Variants in GRIK4 observed in about 807,000 individuals in gnomAD.
GRIK4 encodes the protein glutamate receptor ionotropic, kainate 4.
A neutral mutation model predicts 104.9 loss-of-function variants in GRIK4; 40 were observed. The ratio of observed to expected loss-of-function variants is 0.38; its 90% CI spans 0.30 to 0.50. The LOEUF is 0.50. Among genes scored for constraint, GRIK4 ranks in the 20% least tolerant of loss-of-function variants. The pLI, the probability that GRIK4 is intolerant of heterozygous loss-of-function variation, is 0.93. For synonymous variants in GRIK4, 485 were observed against 524.9 expected, an observed-to-expected ratio of 0.92 and a Z score of 1.04; for missense variants, 1,047 against 1,308.1, an observed-to-expected ratio of 0.80 and a Z score of 3.08.
chr11:120,643,624 C>T (rs533264798), intron 1 of GRIK4, among the ~76,000 whole-genome samples: 1 of 152,360 alleles, frequency 6.6e-6, no homozygotes, highest in East Asian at 1.9e-4. Context: ...TCTGACAATA[C>T]TGTTTGCAAC....
At chr11:120,834,300 G>GTGGC (rs199908418) in intron 7 of GRIK4, among the ~76,000 whole-genome samples, 19 of 149,150 alleles carry the variant, frequency 1.3e-4, no homozygotes, top group Admixed American at 4.1e-4. Context: ...GTGTGTGTGT[G>GTGGC]GCCATGCTTT....
Position 120,940,210 on chromosome 11 carries a change from T to C in GRIK4, c.1477-137T>C, listed in dbSNP as rs1406606650. On this transcript the variant is annotated intron_variant, in intron 13 of 20. Coordinates refer to ENST00000527524, the MANE Select transcript of GRIK4 (RefSeq NM_014619.5). The surrounding 1 kb of genome is among the most constrained non-coding windows in gnomAD (Gnocchi z 4.3). ...TGATCATTCAGATCTGTATGCAGTG[T>C]TGACTTAGAGCCACTCCTCAAGCAA... The C allele has an allele frequency of 6.5e-6, 4 of 616,400 alleles. No individual in the cohort carries two copies. In the East Asian group the frequency reaches 1.1e-4, roughly 17 times the overall value. 38.2% of individuals were successfully genotyped at this position (616,400 alleles called of 1,614,324 possible). A position where few individuals can be genotyped will look rare whatever the true frequency, so the allele number is the denominator to read the frequency against.
At chr11:120,802,334 A>G (rs1051920215) in intron 3 of GRIK4, among the ~76,000 whole-genome samples, 2 of 152,016 alleles carry the variant, frequency 1.3e-5, no homozygotes, top group African/African-American at 4.8e-5. Flanking sequence ...GACAGCCACT[A>G]CCCGCCTCAC....
chr11:120,846,161 A>G (rs557871415), intron 8 of GRIK4, among the ~76,000 whole-genome samples: 1 of 152,318 alleles, frequency 6.6e-6, no homozygotes, highest in Admixed American at 6.5e-5. Flanking sequence ...CTGAAGATTT[A>G]TTTTTTGCAT....
In GRIK4 at chr11:120,627,054, G is replaced by A. The variant is rs747939676; in HGVS notation, c.-158-26631G>A. On this transcript the variant is annotated intron_variant, in intron 1 of 20. Coordinates refer to ENST00000527524, the MANE Select transcript of GRIK4 (RefSeq NM_014619.5). ...CCACGTAGCAGGCGGGCCTGGCCCT[G>A]TTTGTGCTGATCTGTTCTTGAGAGC... Among the ~76,000 whole-genome samples the A allele has an allele frequency of 9.3e-4, 142 of 152,178 alleles. 1 individual carries two copies. The highest frequency in any genetic ancestry group is 1.7e-3 in the Non-Finnish European group (114 of 68,034).
intron 7 of GRIK4, 74 bp from the exon 8 acceptor site, chr11:120,836,717 T>G: frequency 1.1e-6 from 1 of 927,166 alleles, no homozygotes; most frequent in Non-Finnish European, 1.8e-6. Context: ...GGTAGACACT[T>G]GGAACCCCTA....
At position 120,767,804 on chromosome 11, in the gene GRIK4, A is replaced by G. The variant is rs970841478; in HGVS notation, c.83-34889A>G. On this transcript the variant is annotated intron_variant, in intron 3 of 20. Coordinates refer to ENST00000527524, the MANE Select transcript of GRIK4 (RefSeq NM_014619.5). ...TTCAGCACCATTTATTAAAGAGACT[A>G]TCATTTCCCCATTGTGTCCTCTTGG... Among the ~76,000 whole-genome samples the G allele has an allele frequency of 5.3e-5, 8 of 152,286 alleles. No individual in the cohort carries two copies. In the East Asian group the frequency reaches 1.2e-3, roughly 22 times the overall value.
intron 1 of GRIK4, among the ~76,000 whole-genome samples, chr11:120,592,004 C>T (rs1176142766): frequency 2.0e-5 from 3 of 152,184 alleles, no homozygotes; most frequent in African/African-American, 7.2e-5. Flanking sequence ...CTCGTGCAGG[C>T]TCCACTCAGG....
intron 3 of GRIK4, among the ~76,000 whole-genome samples, chr11:120,801,091 C>G (rs1002572037): frequency 6.6e-6 from 1 of 152,222 alleles, no homozygotes; most frequent in African/African-American, 2.4e-5. Flanking sequence ...AGCAGACACT[C>G]CTCATTTCTC....
At chr11:120,519,543 A>G (rs1947771209) in intron 1 of GRIK4, among the ~76,000 whole-genome samples, 1 of 152,220 alleles carries the variant, frequency 6.6e-6, no homozygotes, top group African/African-American at 2.4e-5. Flanking sequence ...ACTGTGAGAA[A>G]CAAACTTCTA....
intron 3 of GRIK4, among the ~76,000 whole-genome samples, chr11:120,671,284 T>G (rs1950013054): frequency 6.6e-6 from 1 of 152,208 alleles, no homozygotes; most frequent in Non-Finnish European, 1.5e-5. Flanking sequence ...CCACACTGTC[T>G]GCCACAATGG....
rs1943700934 is a variant in GRIK4 at position 120,940,587 on chromosome 11, G to A, written c.1590+127G>A. ...TCAAGACTTAAATGCAAATGTGCTG[G>A]GCTATTTTTTCTCCTATCATCTGCA... On this transcript the variant is annotated intron_variant, in intron 14 of 20. Transcript: ENST00000527524. This position sits in a 1 kb window ranked among gnomAD's most constrained non-coding sequence, Gnocchi z 4.3. 1.6e-6 allele frequency: 1 copy of A among 639,608 alleles called. No individual in the cohort carries two copies. 39.6% of individuals were successfully genotyped at this position (639,608 alleles called of 1,614,324 possible).
rs143449291 is a variant in GRIK4, at chr11:120,549,248, G to A, written c.-159+37361G>A. Among the ~76,000 whole-genome samples the A allele has an allele frequency of 2.5e-3, 384 of 152,014 alleles. No homozygotes were observed. The highest frequency in any genetic ancestry group is 3.2e-3 in the Non-Finnish European group (216 of 67,952). On this transcript the variant is annotated intron_variant, in intron 1 of 20. Coordinates refer to ENST00000527524, the MANE Select transcript of GRIK4 (RefSeq NM_014619.5). The surrounding 1 kb of genome is among the most constrained non-coding windows in gnomAD (Gnocchi z 4.7). ...CAAGTAGCTGGGATTACAGGCACAC[G>A]CCACTACACCTGGCTAATTTTTGTA...
At chr11:120,668,101 G>GGATAGATGGATA (rs1949948112) in intron 3 of GRIK4, among the ~76,000 whole-genome samples, 1 of 144,092 alleles carries the variant, frequency 6.9e-6, no homozygotes. Context: ...ATAGATAGAT[G>GGATAGATGGATA]GATAGATAGA....
chr11:120,917,620 C>G (rs1375218177), intron 13 of GRIK4, among the ~76,000 whole-genome samples: 2 of 152,184 alleles, frequency 1.3e-5, no homozygotes, highest in Non-Finnish European at 2.9e-5. Context: ...CAGAGACAGT[C>G]AGCCACAGAT....
At chr11:120,798,114 T>C (rs1952554518) in intron 3 of GRIK4, among the ~76,000 whole-genome samples, 2 of 148,328 alleles carry the variant, frequency 1.3e-5, no homozygotes, top group South Asian at 4.4e-4. Flanking sequence ...TCTTGTTCTA[T>C]CCTCACGTGG....
intron 1 of GRIK4, among the ~76,000 whole-genome samples, chr11:120,537,936 T>C (rs1484903843): frequency 6.6e-6 from 1 of 151,822 alleles, no homozygotes; most frequent in Non-Finnish European, 1.5e-5. Flanking sequence ...GGCAGGGAAG[T>C]GTCTCTATCC....
At chr11:120,908,968 A>C (rs1274929780) in intron 13 of GRIK4, among the ~76,000 whole-genome samples, 1 of 152,258 alleles carries the variant, frequency 6.6e-6, no homozygotes, top group Non-Finnish European at 1.5e-5. Flanking sequence ...CCTTGCCTGC[A>C]GCTGGATGCA....
At chr11:120,703,678 G>A (rs1408687159) in intron 3 of GRIK4, among the ~76,000 whole-genome samples, 3 of 152,086 alleles carry the variant, frequency 2.0e-5, no homozygotes, top group African/African-American at 7.2e-5. Flanking sequence ...TATCTCCTGA[G>A]CAGCAAATCA....
Sources: gnomAD v4.1 joint callset for allele counts (sites outside exome capture counted in the v4.1 genomes callset) on GRCh38, gnomAD v4.1.1 for gene constraint, Gnocchi (gnomAD v3.1) non-coding constraint, MANE v1.5 for transcripts, NCBI Gene and HGNC (gene_info 2026-07-23, HGNC 2026-07-21) for gene names.